Variants in PARD3 observed in about 807,000 individuals in gnomAD.
PARD3 encodes par-3 family cell polarity regulator.
Under a neutral mutation model 155.4 loss-of-function variants are expected in PARD3, and 75 were observed. The observed-to-expected ratio is 0.48, with a 90% CI of 0.40 to 0.58. The LOEUF (loss-of-function observed/expected upper bound fraction) is 0.58. PARD3 is among the 20% of genes least tolerant of loss of function. The pLI is 0.00. For missense variants in PARD3, 1,642 were observed against 1,721.7 expected, an observed-to-expected ratio of 0.95 and a Z score of 0.82; for synonymous variants, 576 against 610.5, an observed-to-expected ratio of 0.94 and a Z score of 0.83.
At chr10:34,641,761 C>A (rs1172865532) in intron 2 of PARD3, among the ~76,000 whole-genome samples, 1 of 152,212 alleles carries the variant, frequency 6.6e-6, no homozygotes, top group Non-Finnish European at 1.5e-5. Context: ...TGATGACCCA[C>A]TGGCTGGGAG....
chr10:34,484,799 T>G (rs2079331658), intron 3 of PARD3, among the ~76,000 whole-genome samples: 1 of 152,178 alleles, frequency 6.6e-6, no homozygotes, highest in African/African-American at 2.4e-5. Flanking sequence ...GAAAAATAAC[T>G]GCTAAATTTT....
At chr10:34,398,442 A>G (rs963141019) in intron 7 of PARD3, among the ~76,000 whole-genome samples, 1 of 152,190 alleles carries the variant, frequency 6.6e-6, no homozygotes, top group Non-Finnish European at 1.5e-5. Flanking sequence ...CCATGTAAAG[A>G]AAGTTAAAAT....
At chr10:34,767,848 T>G (rs7099563) in intron 1 of PARD3, among the ~76,000 whole-genome samples, 1 of 151,472 alleles carries the variant, frequency 6.6e-6, no homozygotes, top group South Asian at 2.1e-4. Flanking sequence ...CCCAGCTACT[T>G]GGGAGGCTGT....
intron 18 of PARD3, among the ~76,000 whole-genome samples, 185 bp downstream of exon 18, chr10:34,336,014 C>T (rs78515307): frequency 0.027 from 4,095 of 152,142 alleles, 173 homozygotes; most frequent in African/African-American, 0.094. Context: ...AGTAAGTACA[C>T]CACTGATAAA....
chr10:34,477,154 A>G (rs1343676037), intron 3 of PARD3, among the ~76,000 whole-genome samples: 2 of 152,248 alleles, frequency 1.3e-5, no homozygotes, highest in Non-Finnish European at 2.9e-5. Flanking sequence ...TGTTCATTAC[A>G]GTAATTAGAA....
intron 2 of PARD3, among the ~76,000 whole-genome samples, chr10:34,694,161 AAAAAG>A (rs956524987): frequency 1.2e-4 from 17 of 137,824 alleles, no homozygotes; most frequent in East Asian, 6.0e-4. Context: ...GAAGAAAAAA[AAAAAG>A]AAACAAAAAA....
chr10:34,160,986 T>C (rs1949250532), intron 22 of PARD3, among the ~76,000 whole-genome samples: 1 of 152,168 alleles, frequency 6.6e-6, no homozygotes, highest in African/African-American at 2.4e-5. Context: ...CCAGGTGTGG[T>C]GGCTCATGCC....
Position 34,682,511 on chromosome 10 carries a change from C to G in PARD3, c.222+13807G>C, listed in dbSNP as rs544590094. Among the ~76,000 whole-genome samples the G allele has an allele frequency of 5.9e-5, 9 of 152,274 alleles. No individual in the cohort carries two copies. The East Asian group carries it at 1.7e-3, about 29-fold the overall frequency. The stretch of plus-strand genomic sequence containing the variant: ...GTGAAACTGATTACCTACAGAAACT[C>G]ATTTCATAACACAAATATCTAGGAT... On this transcript the variant is annotated intron_variant, in intron 2 of 24. Transcript: ENST00000374788.
chr10:34,591,691 C>A (rs938380462), intron 2 of PARD3, among the ~76,000 whole-genome samples: 2 of 152,212 alleles, frequency 1.3e-5, no homozygotes, highest in African/African-American at 4.8e-5. Context: ...GAATGCAAGG[C>A]CTTAATCCAG....
chr10:34,262,254 G>C (rs371734134), intron 22 of PARD3, among the ~76,000 whole-genome samples: 1 of 151,674 alleles, frequency 6.6e-6, no homozygotes, highest in African/African-American at 2.4e-5. Flanking sequence ...AGCCTATTAC[G>C]GTTTTTTTTT....
At position 34,374,422 on chromosome 10, in the gene PARD3, G is replaced by T. The variant is rs186919160; in HGVS notation, c.1668+452C>A. ...TTTTAATAATAATTTTTTTAAAAAG[G>T]TATTCCTTTTCATACAACAGTAAGG... On this transcript the variant is annotated intron_variant, in intron 11 of 24. Coordinates refer to ENST00000374788, the MANE Select transcript of PARD3 (RefSeq NM_001184785.2). Among the ~76,000 whole-genome samples, 250 of 152,142 alleles carry T rather than the reference G, an allele frequency of 1.6e-3. 2 individuals carry two copies. Among genetic ancestry groups the T allele is most frequent in the African/African-American group, 5.7e-3 (238 of 41,518 alleles).
At chr10:34,799,103 G>A (rs112712013) in intron 1 of PARD3, among the ~76,000 whole-genome samples, 192 of 152,268 alleles carry the variant, frequency 1.3e-3, no homozygotes, top group African/African-American at 4.4e-3. Flanking sequence ...GTGCAGTGGC[G>A]CAATCTCGGC....
chr10:34,128,596 G>C (rs1368861754), intron 23 of PARD3, among the ~76,000 whole-genome samples: 1 of 152,078 alleles, frequency 6.6e-6, no homozygotes, highest in Non-Finnish European at 1.5e-5. Context: ...GAGGAGGAAG[G>C]GGGATGGTCC....
chr10:34,278,306 CT>C (rs1161088099), intron 21 of PARD3, among the ~76,000 whole-genome samples: 1 of 152,164 alleles, frequency 6.6e-6, no homozygotes, highest in Non-Finnish European at 1.5e-5. Context: ...CCTCAGCCTT[CT>C]GAGCAGCCTT....
chr10:34,331,141 C>G lies in PARD3; in HGVS notation c.2809G>C (p.Asp937His), dbSNP rs61735572. Residue 937 changes from aspartate to histidine, a missense_variant, in exon 19 of 25, where the codon GAT (aspartate) becomes CAT (histidine). Asp to His is a moderately conservative substitution (Grantham distance 81). Coordinates refer to ENST00000374788, the MANE Select transcript of PARD3 (RefSeq NM_001184785.2). ...DKSYDKPAVDDDDEGMETLEE... is the reference protein window; with the variant it reads ...DKSYDKPAVDHDDEGMETLEE... ...CAGGTCTCCATGCCTTCATCATCAT[C>G]ATCTACCGCGGGTTTATCATAAGAT... 1.8e-5 allele frequency: 29 copies of G among 1,613,762 alleles called. No homozygotes were observed. In the African/African-American group the frequency reaches 3.9e-4, roughly 22 times the overall value.
chr10:34,566,174 G>A (rs2085925881), intron 2 of PARD3, among the ~76,000 whole-genome samples: 1 of 152,178 alleles, frequency 6.6e-6, no homozygotes, highest in African/African-American at 2.4e-5. Context: ...AAGAAGTATT[G>A]AGCTATTTTG....
chr10:34,455,906 T>C (rs1359507544), intron 4 of PARD3, among the ~76,000 whole-genome samples: 1 of 152,212 alleles, frequency 6.6e-6, no homozygotes, highest in Non-Finnish European at 1.5e-5. Context: ...AGTAATCTGT[T>C]CCTATATTAT....
At chr10:34,439,900 C>A (rs2076377692) in intron 5 of PARD3, among the ~76,000 whole-genome samples, 1 of 152,218 alleles carries the variant, frequency 6.6e-6, no homozygotes, top group East Asian at 1.9e-4. Context: ...CAATCTCCTA[C>A]CGCCATTAGA....
At position 34,674,082 on chromosome 10, in the gene PARD3, A is replaced by G. The variant is rs187477367; in HGVS notation, c.222+22236T>C. 2.3e-3 allele frequency among the ~76,000 whole-genome samples: 347 copies of G among 152,218 alleles called. 1 individual carries two copies. The highest frequency in any genetic ancestry group is 4.2e-3 in the Non-Finnish European group (289 of 68,012). On this transcript the variant is annotated intron_variant, in intron 2 of 24. Coordinates refer to ENST00000374788, the MANE Select transcript of PARD3 (RefSeq NM_001184785.2). ...TTCTAACACAGCACTTAGCCAGAACATAGGTATGTTTTAATATTTTTTGAT... is the reference window on the plus strand; with the variant it reads ...TTCTAACACAGCACTTAGCCAGAACGTAGGTATGTTTTAATATTTTTTGAT...
Sources: gnomAD v4.1 joint callset for allele counts (sites outside exome capture counted in the v4.1 genomes callset) on GRCh38, gnomAD v4.1.1 for gene constraint, MANE v1.5 for transcripts, NCBI Gene and HGNC (gene_info 2026-07-23, HGNC 2026-07-21) for gene names.